HNRNPR: variants seen among roughly 807,000 people sequenced by gnomAD.
HNRNPR encodes the protein heterogeneous nuclear ribonucleoprotein R.
In HNRNPR, 4 loss-of-function variants were observed where a neutral mutation model predicts 70.3. The observed-to-expected ratio is 0.06, with a 90% CI of 0.03 to 0.13. The LOEUF (loss-of-function observed/expected upper bound fraction) is 0.13. Among genes scored for constraint, HNRNPR ranks in the 10% least tolerant of loss-of-function variants. The probability of loss-of-function intolerance (pLI) is 1.00; values close to 1 mark genes in which losing one functional copy is unlikely to be tolerated. For synonymous variants in HNRNPR, 241 were observed against 267.6 expected (o/e 0.90, Z 0.97); for missense variants, 423 against 788.5 (o/e 0.54, Z 5.55).
In HNRNPR at chr1:23,310,863, GCATAGCCAT is replaced by G. The variant is rs1216823620; in HGVS notation, c.1484_1492del (p.Asp495_Tyr497del). 1.9e-6 allele frequency: 3 copies of G among 1,613,832 alleles called. No individual in the cohort carries two copies. The highest frequency in any genetic ancestry group is 2.5e-6 in the Non-Finnish European group (3 of 1,179,978). On this transcript the variant is annotated inframe_deletion, in exon 11 of 11. Coordinates refer to ENST00000302271, the MANE Select transcript of HNRNPR (RefSeq NM_005826.5). This position sits in a 1 kb window ranked among gnomAD's most constrained non-coding sequence, Gnocchi z 6.0. ...CCTTCCTCCTCCTCTTCCTCTTACT[GCATAGCCAT>G]CATCATAGCCGTAGTAGGGATCTTC...
At chr1:23,319,404 G>A (rs766552666) in intron 7 of HNRNPR, among the ~76,000 whole-genome samples, 6 of 152,072 alleles carry the variant, frequency 3.9e-5, no homozygotes, top group Non-Finnish European at 8.8e-5. Flanking sequence ...AATAAACAGT[G>A]CCATCCACCT....
intron 9 of HNRNPR, among the ~76,000 whole-genome samples, chr1:23,312,808 G>C (rs978859618): frequency 1.3e-5 from 2 of 152,048 alleles, no homozygotes; most frequent in African/African-American, 4.8e-5. Context: ...AAGCATTCTG[G>C]ATCTATCTTC....
Position 23,337,793 on chromosome 1 carries a change from C to G in HNRNPR, c.345G>C (p.Val115=). 1 of 1,613,638 alleles carries G rather than the reference C, an allele frequency of 6.2e-7. No homozygotes were observed. ...YRQREKQGSK[V]QESTKGPDEA... ...CATCAGGTCCCTTTGTGGACTCTTG[C>G]ACCTTGCTCCCCTGTTTCTCTCTCT... Residue 115 remains valine, a synonymous_variant, in exon 4 of 11, where the codon GTG becomes GTC. Transcript: ENST00000302271.
chr1:23,338,479 AACG>A lies in HNRNPR; in HGVS notation c.276+8_276+10del. On this transcript the variant is annotated splice_region_variant and intron_variant, in intron 3 of 10. Coordinates refer to ENST00000302271, the MANE Select transcript of HNRNPR (RefSeq NM_005826.5). ...TAATTGTTCAAAGACATTTCTGAGTAACGACCTTACCTGAACATGTGATAAGTC... is the reference window on the plus strand; with the variant it reads ...TAATTGTTCAAAGACATTTCTGAGTAACCTTACCTGAACATGTGATAAGTC... The A allele has an allele frequency of 1.8e-6, 2 of 1,092,832 alleles. No homozygotes were observed. The highest frequency in any genetic ancestry group is 3.3e-5 in the South Asian group (2 of 60,330). The allele number at this position is 1,092,832 out of a possible 1,614,324, so 67.7% of individuals were successfully genotyped here.
chr1:23,314,173 AGAAAAAAAGGAGAAAAGC>A (rs1437546566), intron 8 of HNRNPR, among the ~76,000 whole-genome samples: 74 of 152,300 alleles, frequency 4.9e-4, no homozygotes, highest in African/African-American at 1.8e-3. Context: ...GTGTTAAATT[AGAAAAAAAGGAGAAAAGC>A]TGGTCCATGC....
chr1:23,323,155 T>C (rs1237674041), intron 6 of HNRNPR, among the ~76,000 whole-genome samples: 1 of 152,212 alleles, frequency 6.6e-6, no homozygotes, highest in Non-Finnish European at 1.5e-5. Flanking sequence ...GAATCCTAAG[T>C]CACTGTCATC....
In HNRNPR at chr1:23,310,367, A is replaced by C. The variant is rs1279111858; in HGVS notation, c.*87T>G. The C allele has an allele frequency of 7.5e-7, 1 of 1,329,438 alleles. No individual in the cohort carries two copies. The highest frequency in any genetic ancestry group is 1.0e-6 in the Non-Finnish European group (1 of 978,868). 82.4% of individuals were successfully genotyped at this position (1,329,438 alleles called of 1,614,324 possible). ...GGCAGCAAAATGCTACTTAAAGATGAAACAGTTAAGCCAATTTTTTTTTTT... is the reference window on the plus strand; with the variant it reads ...GGCAGCAAAATGCTACTTAAAGATGCAACAGTTAAGCCAATTTTTTTTTTT... On this transcript the variant is annotated 3_prime_UTR_variant, in exon 11 of 11. Transcript: ENST00000302271. This position sits in a 1 kb window ranked among gnomAD's most constrained non-coding sequence, Gnocchi z 6.0.
chr1:23,309,352 T>C lies in HNRNPR; in HGVS notation c.*1102A>G, dbSNP rs148576626. ...AATTGACGCCACAGTACTAACAATTTTCCCTGTATGTACATTCACTTATCC... is the reference window on the plus strand; with the variant it reads ...AATTGACGCCACAGTACTAACAATTCTCCCTGTATGTACATTCACTTATCC... On this transcript the variant is annotated 3_prime_UTR_variant, in exon 11 of 11. Coordinates refer to ENST00000302271, the MANE Select transcript of HNRNPR (RefSeq NM_005826.5). 7 of 152,232 alleles carry C rather than the reference T, an allele frequency of 4.6e-5. No homozygotes were observed. In the East Asian group the frequency reaches 1.3e-3, roughly 29 times the overall value. The allele number at this position is 152,232 out of a possible 1,614,324, so 9.4% of individuals were successfully genotyped here. A position where few individuals can be genotyped will look rare whatever the true frequency, so the allele number is the denominator to read the frequency against.
chr1:23,316,575 T>G (rs1328043923), intron 8 of HNRNPR, among the ~76,000 whole-genome samples: 2 of 152,170 alleles, frequency 1.3e-5, no homozygotes, highest in Non-Finnish European at 2.9e-5. Flanking sequence ...TAATATTTTA[T>G]TCCTCTATTA....
rs536488997 is a variant in HNRNPR, at chr1:23,308,795, G to A, written c.*1659C>T. On this transcript the variant is annotated 3_prime_UTR_variant, in exon 11 of 11. Transcript: ENST00000302271. The stretch of plus-strand genomic sequence containing the variant: ...CAATATGATCTAGCCAAGATTACAC[G>A]GAATTAAGTGGCTTATGATTTTGAA... The A allele has an allele frequency of 5.9e-5, 9 of 152,026 alleles. No individual in the cohort carries two copies. Among genetic ancestry groups the A allele is most frequent in the East Asian group, 1.9e-4 (1 of 5,190 alleles). 9.4% of individuals were successfully genotyped at this position (152,026 alleles called of 1,614,324 possible).
At chr1:23,332,063 C>T (rs531362251) in intron 5 of HNRNPR, among the ~76,000 whole-genome samples, 1 of 151,772 alleles carries the variant, frequency 6.6e-6, no homozygotes, top group East Asian at 2.0e-4. Flanking sequence ...ACCTGCGAGG[C>T]AGAGGTTGCA....
In HNRNPR at chr1:23,318,850, G is replaced by A. The variant is rs575933529; in HGVS notation, c.812-162C>T. Among the ~76,000 whole-genome samples, 3 of 152,104 alleles carry A rather than the reference G, an allele frequency of 2.0e-5. No homozygotes were observed. The highest frequency in any genetic ancestry group is 2.9e-5 in the Non-Finnish European group (2 of 68,012). ...ATTAGATCAACATAATTAGATATGG[G>A]GTTTGGGACAGTATTTGATGTTCCT... is the stretch of plus-strand genomic sequence containing the variant. On this transcript the variant is annotated intron_variant, in intron 7 of 10. Coordinates refer to ENST00000302271, the MANE Select transcript of HNRNPR (RefSeq NM_005826.5). The surrounding 1 kb of genome is among the most constrained non-coding windows in gnomAD (Gnocchi z 4.2).
At chr1:23,328,569 G>A (rs1570036215) in intron 5 of HNRNPR, among the ~76,000 whole-genome samples, 2 of 152,114 alleles carry the variant, frequency 1.3e-5, no homozygotes, top group African/African-American at 2.4e-5. Context: ...GCGCCATCTC[G>A]GCTTACTGCA....
At chr1:23,320,689 T>C (rs898659701) in intron 7 of HNRNPR, among the ~76,000 whole-genome samples, 1 of 152,130 alleles carries the variant, frequency 6.6e-6, no homozygotes. Flanking sequence ...AAATCATAGG[T>C]AGTATTAGAT....
At chr1:23,333,387 T>C in intron 5 of HNRNPR, 131 bp downstream of exon 5, 1 of 579,748 alleles carries the variant, frequency 1.7e-6, no homozygotes, top group Non-Finnish European at 3.1e-6. Flanking sequence ...TACAAATGGA[T>C]ATCTAAAAAC....
Position 23,305,152 on chromosome 1 carries a change from T to C in HNRNPR, c.*5302A>G, listed in dbSNP as rs1418712717. 6.6e-6 allele frequency: 1 copy of C among 152,228 alleles called. No individual in the cohort carries two copies. The highest frequency in any genetic ancestry group is 1.5e-5 in the Non-Finnish European group (1 of 68,024). 9.4% of individuals were successfully genotyped at this position (152,228 alleles called of 1,614,324 possible). ...TCCACAAAATGTATTTTGTTTTTAG[T>C]GTTTAAAGTCAACAAACTGGCATTG... is the stretch of plus-strand genomic sequence containing the variant. On this transcript the variant is annotated 3_prime_UTR_variant, in exon 11 of 11. Coordinates refer to ENST00000302271, the MANE Select transcript of HNRNPR (RefSeq NM_005826.5).
chr1:23,338,606 A>G lies in HNRNPR; in HGVS notation c.160T>C (p.Leu54=), dbSNP rs112936104. The G allele has an allele frequency of 2.9e-4, 438 of 1,533,764 alleles. 1 individual carries two copies. The African/African-American group carries it at 5.1e-3, about 18-fold the overall frequency. Reference sequence around the variant, plus strand: ...TCATCAAGATCGACATAAGCTACCAATCCTAAAAATTAAATTGAAAGGGGT... The same window carrying G: ...TCATCAAGATCGACATAAGCTACCAGTCCTAAAAATTAAATTGAAAGGGGT... ...ERLDEIFQTG[L]VAYVDLDERA... The change falls in exon 3 of 11, where the codon TTG becomes CTG. Residue 54 remains leucine (L), a splice_region_variant and synonymous_variant. Transcript: ENST00000302271.
intron 9 of HNRNPR, among the ~76,000 whole-genome samples, chr1:23,312,611 A>C (rs1645378252): frequency 6.6e-6 from 1 of 152,230 alleles, no homozygotes; most frequent in South Asian, 2.1e-4. Flanking sequence ...TTTTATGAAC[A>C]ATACTGCCTC....
In HNRNPR at chr1:23,318,812, A is replaced by T. The variant is rs1645646385; in HGVS notation, c.812-124T>A. 3.4e-5 allele frequency: 26 copies of T among 766,246 alleles called. No homozygotes were observed. Among genetic ancestry groups the T allele is most frequent in the Middle Eastern group, 2.3e-4 (1 of 4,270 alleles). The allele number at this position is 766,246 out of a possible 1,614,324, so 47.5% of individuals were successfully genotyped here. On this transcript the variant is annotated intron_variant, in intron 7 of 10. Transcript: ENST00000302271. This position sits in a 1 kb window ranked among gnomAD's most constrained non-coding sequence, Gnocchi z 4.2. ...TGAAGCAGCCTCAACATGAGTCACT[A>T]ATTTTGTAGACAATTAGATCAACAT... is the stretch of plus-strand genomic sequence containing the variant.
Sources: gnomAD v4.1 joint callset for allele counts (sites outside exome capture counted in the v4.1 genomes callset) on GRCh38, gnomAD v4.1.1 for gene constraint, Gnocchi (gnomAD v3.1) non-coding constraint, MANE v1.5 for transcripts, NCBI Gene and HGNC (gene_info 2026-07-23, HGNC 2026-07-21) for gene names.